The following ARPP21 variants were observed in gnomAD, a reference collection of about 807,000 sequenced individuals.
The protein encoded by ARPP21 is cAMP-regulated phosphoprotein 21.
Under a neutral mutation model 113.2 loss-of-function variants are expected in ARPP21, and 69 were observed. The observed-to-expected ratio is 0.61, with a 90% confidence interval of 0.50 to 0.74. ARPP21 has a LOEUF of 0.74. ARPP21 is among the 30% of genes least tolerant of loss of function. ARPP21 has a pLI of 0.00. For missense variants in ARPP21, 1,070 were observed against 1,037.4 expected (o/e 1.03, Z -0.43); for synonymous variants, 368 against 375.5 (o/e 0.98, Z 0.23).
intron 15 of ARPP21, among the ~76,000 whole-genome samples, chr3:35,731,613 T>C (rs989240905): frequency 1.3e-5 from 2 of 151,930 alleles, no homozygotes; most frequent in African/African-American, 4.9e-5. Flanking sequence ...ATGCATTATA[T>C]ATAATGCATG....
rs377598864 is a variant in ARPP21, at chr3:35,676,797, T to C, written c.-212-2990T>C. Among the ~76,000 whole-genome samples the C allele has an allele frequency of 6.6e-4, 100 of 152,066 alleles. 4 individuals are homozygous for C. In the South Asian group the frequency reaches 0.02, roughly 31 times the overall value. The stretch of plus-strand genomic sequence containing the variant: ...TTACATCCCAATGACTTTTTTTTAC[T>C]TGCTTTAAACTTAATTTTAAAGGTT... On this transcript the variant is annotated intron_variant, in intron 1 of 20. Coordinates refer to ENST00000684406, the MANE Select transcript of ARPP21 (RefSeq NM_001385562.1).
chr3:35,689,014 A>G (rs1341559449), intron 6 of ARPP21, among the ~76,000 whole-genome samples: 5 of 151,374 alleles, frequency 3.3e-5, no homozygotes, highest in Non-Finnish European at 7.4e-5. Context: ...TGCAGAATGA[A>G]CACGTGATAT....
At chr3:35,680,665 T>G (rs2149448568) in intron 2 of ARPP21, among the ~76,000 whole-genome samples, 1 of 151,912 alleles carries the variant, frequency 6.6e-6, no homozygotes, top group East Asian at 1.9e-4. Flanking sequence ...TTGCTTGGGA[T>G]TTTTTTGAAA....
intron 1 of ARPP21, among the ~76,000 whole-genome samples, chr3:35,668,014 G>GAAGAAGAAA (rs1559550112): frequency 9.2e-4 from 138 of 149,846 alleles, no homozygotes; most frequent in African/African-American, 3.2e-3. Flanking sequence ...AGAAGAAGAA[G>GAAGAAGAAA]AAGAAGAAGA....
At chr3:35,669,716 A>G (rs913986922) in intron 1 of ARPP21, among the ~76,000 whole-genome samples, 7 of 152,166 alleles carry the variant, frequency 4.6e-5, no homozygotes, top group African/African-American at 1.7e-4. Flanking sequence ...GTCAATTTGC[A>G]CTAGGTGTAC....
intron 19 of ARPP21, among the ~76,000 whole-genome samples, chr3:35,766,428 A>G (rs1187180191): frequency 2.6e-5 from 4 of 152,212 alleles, no homozygotes. Context: ...ACTAACACAG[A>G]ATGAAATAAT....
At chr3:35,748,939 C>T (rs1210685467) in intron 19 of ARPP21, among the ~76,000 whole-genome samples, 1 of 152,160 alleles carries the variant, frequency 6.6e-6, no homozygotes, top group Non-Finnish European at 1.5e-5. Context: ...ATAAATTATC[C>T]TGGGTCTCAA....
At chr3:35,709,304 G>A (rs891924611) in intron 11 of ARPP21, among the ~76,000 whole-genome samples, 6 of 152,142 alleles carry the variant, frequency 3.9e-5, no homozygotes, top group Non-Finnish European at 1.5e-5. Flanking sequence ...CATGTAGAGA[G>A]GTATGATTTT....
intron 9 of ARPP21, among the ~76,000 whole-genome samples, chr3:35,693,356 C>T (rs1420265875): frequency 3.3e-5 from 5 of 151,666 alleles, no homozygotes; most frequent in Non-Finnish European, 3.0e-5. Flanking sequence ...CTGTTCTATT[C>T]TAACTACACT....
At chr3:35,768,371 A>G (rs1470459930) in intron 19 of ARPP21, among the ~76,000 whole-genome samples, 1 of 152,120 alleles carries the variant, frequency 6.6e-6, no homozygotes, top group African/African-American at 2.4e-5. Flanking sequence ...GAGGCCTATC[A>G]TTTGGAAGAT....
intron 1 of ARPP21, among the ~76,000 whole-genome samples, chr3:35,676,893 T>G (rs1309933407): frequency 6.6e-6 from 1 of 151,932 alleles, no homozygotes; most frequent in African/African-American, 2.4e-5. Context: ...TATATAGTAT[T>G]GCAATATTTA....
intron 5 of ARPP21, chr3:35,684,136 A>T (rs1053140740): frequency 1.4e-6 from 2 of 1,460,222 alleles, no homozygotes; most frequent in Non-Finnish European, 1.8e-6. Context: ...GATAAGGCTG[A>T]ACCAAATATA....
chr3:35,713,030 G>A (rs2091634617), intron 11 of ARPP21, among the ~76,000 whole-genome samples: 1 of 152,124 alleles, frequency 6.6e-6, no homozygotes, highest in African/African-American at 2.4e-5. Context: ...CTCTTCAGTG[G>A]GGATGGGTAA....
At chr3:35,768,828 G>T (rs1455372656) in intron 19 of ARPP21, among the ~76,000 whole-genome samples, 1 of 152,228 alleles carries the variant, frequency 6.6e-6, no homozygotes, top group Non-Finnish European at 1.5e-5. Context: ...TGTTATCAGA[G>T]TATCCTTTAA....
chr3:35,676,471 T>G (rs1378030368), intron 1 of ARPP21, among the ~76,000 whole-genome samples: 2 of 152,024 alleles, frequency 1.3e-5, no homozygotes, highest in Non-Finnish European at 2.9e-5. Context: ...AACCAGAAAA[T>G]TTATTTTCTT....
intron 1 of ARPP21, among the ~76,000 whole-genome samples, chr3:35,667,717 T>G (rs2074752961): frequency 6.6e-6 from 1 of 151,914 alleles, no homozygotes; most frequent in African/African-American, 2.4e-5. Context: ...TTAAATTGGA[T>G]CATAATGCAT....
chr3:35,667,899 AAGAGGAAGAGGAAGG>A lies in ARPP21; in HGVS notation c.-212-11885_-212-11871del, dbSNP rs1196259139. ...GAAGAAGAAGAAGAAGAGGAAGAGGAAGAGGAAGAGGAAGGAGGAGGAGGAGGAGGAGGAGAAGGA... is the reference window on the plus strand; with the variant it reads ...GAAGAAGAAGAAGAAGAGGAAGAGGAAGGAGGAGGAGGAGGAGGAGAAGGA... On this transcript the variant is annotated intron_variant, in intron 1 of 20. Transcript: ENST00000684406. Among the ~76,000 whole-genome samples the A allele has an allele frequency of 1.7e-4, 20 of 119,038 alleles. 3 individuals are homozygous for A. Among genetic ancestry groups the A allele is most frequent in the African/African-American group, 6.3e-4 (15 of 23,892 alleles). 78.1% of individuals were successfully genotyped at this position (119,038 alleles called of 152,430 possible). A position where few individuals can be genotyped will look rare whatever the true frequency, so the allele number is the denominator to read the frequency against.
chr3:35,685,048 A>C, intron 5 of ARPP21: 2 of 985,152 alleles, frequency 2.0e-6, no homozygotes, highest in Non-Finnish European at 2.4e-6. Context: ...TGTACTGCAC[A>C]CAATATATGT....
chr3:35,754,679 A>C (rs1229747009), intron 19 of ARPP21, among the ~76,000 whole-genome samples: 1 of 151,994 alleles, frequency 6.6e-6, no homozygotes, highest in Non-Finnish European at 1.5e-5. Context: ...ACACATTCCC[A>C]AAAACGGTAT....
Sources: allele counts gnomAD v4.1 joint callset (sites outside exome capture counted in the v4.1 genomes callset), GRCh38; gene constraint gnomAD v4.1.1; transcripts MANE v1.5; gene names NCBI Gene and HGNC (gene_info 2026-07-23, HGNC 2026-07-21).